Variants in EPHB1 observed in about 807,000 individuals in gnomAD.
EPHB1 encodes EPH receptor B1.
Under a neutral mutation model 94.4 loss-of-function variants are expected in EPHB1, and 30 were observed. The ratio of observed to expected loss-of-function variants is 0.32; its 90% CI spans 0.24 to 0.43. EPHB1 has a LOEUF of 0.43. EPHB1 is among the 20% of genes least tolerant of loss of function. The probability of loss-of-function intolerance (pLI) is 1.00; values close to 1 mark genes in which losing one functional copy is unlikely to be tolerated. For synonymous variants in EPHB1, 522 were observed against 489.1 expected (o/e 1.07, Z -0.89); for missense variants, 1,055 against 1,308.3 (o/e 0.81, Z 2.99).
chr3:134,847,165 A>G (rs1219269776), intron 1 of EPHB1, among the ~76,000 whole-genome samples: 1 of 151,090 alleles, frequency 6.6e-6, no homozygotes, highest in African/African-American at 2.5e-5. Context: ...TAAAACACAC[A>G]CACATCATGG....
At chr3:135,039,196 A>C (rs1936746209) in intron 3 of EPHB1, among the ~76,000 whole-genome samples, 1 of 152,182 alleles carries the variant, frequency 6.6e-6, no homozygotes, top group East Asian at 1.9e-4. Context: ...TGAGCTAGAC[A>C]TAAAGGTTCT....
chr3:135,130,105 T>C (rs1559843681), intron 4 of EPHB1, among the ~76,000 whole-genome samples: 1 of 152,174 alleles, frequency 6.6e-6, no homozygotes, highest in East Asian at 1.9e-4. Context: ...GAAGAGACTA[T>C]ATCGGAGAAA....
At position 134,951,154 on chromosome 3, in the gene EPHB1, T is replaced by C. The variant is rs186815250; in HGVS notation, c.124-217T>C. On this transcript the variant is annotated intron_variant, in intron 2 of 15. Transcript: ENST00000398015. This position sits in a 1 kb window ranked among gnomAD's most constrained non-coding sequence, Gnocchi z 4.5. ...CAGCTTTCTTGAATGAAGTGTGTTA[T>C]ATTTTGGGATGGGCTGCAAAAAAAT... Among the ~76,000 whole-genome samples the C allele has an allele frequency of 1.3e-3, 201 of 152,328 alleles. 1 individual carries two copies. The highest frequency in any genetic ancestry group is 4.4e-3 in the African/African-American group (184 of 41,586).
intron 1 of EPHB1, among the ~76,000 whole-genome samples, chr3:134,843,654 T>G (rs1324859188): frequency 6.6e-6 from 1 of 152,168 alleles, no homozygotes; most frequent in Non-Finnish European, 1.5e-5. Context: ...TCTTCAATCT[T>G]GAATTTTCTG....
intron 3 of EPHB1, among the ~76,000 whole-genome samples, chr3:134,985,099 A>G (rs1230206028): frequency 2.0e-5 from 3 of 152,014 alleles, no homozygotes; most frequent in Non-Finnish European, 4.4e-5. Flanking sequence ...CTGACTCTGG[A>G]CCACTTTCAG....
chr3:135,247,036 G>A (rs1399593841), intron 13 of EPHB1, among the ~76,000 whole-genome samples: 1 of 151,962 alleles, frequency 6.6e-6, no homozygotes, highest in Non-Finnish European at 1.5e-5. Context: ...TTTAAGTAGA[G>A]GCAAAAACAC....
intron 1 of EPHB1, among the ~76,000 whole-genome samples, chr3:134,798,056 C>T (rs1286764536): frequency 6.6e-6 from 1 of 152,166 alleles, no homozygotes; most frequent in Non-Finnish European, 1.5e-5. Context: ...GAAAGTGGAT[C>T]AATGAGCTGC....
At chr3:135,252,682 G>T (rs1933178093) in intron 15 of EPHB1, among the ~76,000 whole-genome samples, 1 of 141,976 alleles carries the variant, frequency 7.0e-6, no homozygotes, top group African/African-American at 2.5e-5. Flanking sequence ...ACATACGTTT[G>T]CACGTGTCTT....
At chr3:135,162,735 A>G (rs1056664439) in intron 7 of EPHB1, among the ~76,000 whole-genome samples, 4 of 152,294 alleles carry the variant, frequency 2.6e-5, no homozygotes, top group South Asian at 2.1e-4. Context: ...CAGAAAGTCT[A>G]TCACCATAAA....
At chr3:134,799,335 G>T (rs1477432555) in intron 1 of EPHB1, among the ~76,000 whole-genome samples, 3 of 152,344 alleles carry the variant, frequency 2.0e-5, no homozygotes, top group Middle Eastern at 3.4e-3. Flanking sequence ...TGGTGTCCAT[G>T]AACGTGCTTG....
chr3:135,216,654 T>C (rs767634149), intron 12 of EPHB1, among the ~76,000 whole-genome samples: 2 of 136,764 alleles, frequency 1.5e-5, no homozygotes, highest in Admixed American at 8.7e-5. Context: ...ACCCAGGAGA[T>C]AGAGGTTGCA....
intron 4 of EPHB1, among the ~76,000 whole-genome samples, chr3:135,116,376 A>G (rs1424208943): frequency 6.6e-6 from 1 of 152,118 alleles, no homozygotes; most frequent in Non-Finnish European, 1.5e-5. Flanking sequence ...AACCTGTGCT[A>G]CCATCTTGGT....
intron 1 of EPHB1, among the ~76,000 whole-genome samples, chr3:134,879,466 G>C (rs1400618682): frequency 6.6e-6 from 1 of 152,074 alleles, no homozygotes; most frequent in Non-Finnish European, 1.5e-5. Flanking sequence ...GTGAGACCCT[G>C]TCTCTACTAA....
chr3:134,923,164 T>C (rs1207262384), intron 1 of EPHB1, among the ~76,000 whole-genome samples: 1 of 152,228 alleles, frequency 6.6e-6, no homozygotes, highest in Non-Finnish European at 1.5e-5. Flanking sequence ...CCAATGCTTA[T>C]GTTCCTTCAA....
chr3:134,956,580 G>A (rs973696533), intron 3 of EPHB1, among the ~76,000 whole-genome samples: 3 of 152,060 alleles, frequency 2.0e-5, no homozygotes, highest in African/African-American at 7.2e-5. Context: ...AAGAGGAAGG[G>A]GGTATGCTTG....
At chr3:135,021,801 G>C (rs1935995794) in intron 3 of EPHB1, among the ~76,000 whole-genome samples, 1 of 152,004 alleles carries the variant, frequency 6.6e-6, no homozygotes, top group Non-Finnish European at 1.5e-5. Context: ...TAGAATGCTA[G>C]GAAGAAAATA....
intron 1 of EPHB1, among the ~76,000 whole-genome samples, chr3:134,920,749 C>A (rs2038667681): frequency 6.6e-6 from 1 of 152,164 alleles, no homozygotes; most frequent in South Asian, 2.1e-4. Flanking sequence ...ACAGAAACTG[C>A]CTGCAGGGCC....
intron 3 of EPHB1, among the ~76,000 whole-genome samples, chr3:134,999,472 G>T (rs1199932894): frequency 6.6e-6 from 1 of 152,194 alleles, no homozygotes; most frequent in Admixed American, 6.5e-5. Flanking sequence ...CTTCTTACCA[G>T]AACTGGTGAG....
chr3:135,212,386 A>T (rs1286172485), intron 12 of EPHB1, among the ~76,000 whole-genome samples: 1 of 152,198 alleles, frequency 6.6e-6, no homozygotes. Flanking sequence ...GATTATAAAC[A>T]TGAACGTTAT....
Sources: gnomAD v4.1 joint callset for allele counts (sites outside exome capture counted in the v4.1 genomes callset) on GRCh38, gnomAD v4.1.1 for gene constraint, Gnocchi (gnomAD v3.1) non-coding constraint, MANE v1.5 for transcripts, NCBI Gene and HGNC (gene_info 2026-07-23, HGNC 2026-07-21) for gene names.